Variants in RPS6KA5 observed in about 807,000 individuals in gnomAD.
RPS6KA5 encodes the protein ribosomal protein S6 kinase alpha-5.
In RPS6KA5, 27 loss-of-function variants were observed where a neutral mutation model predicts 85.5. That is an observed-to-expected ratio of 0.32 (90% CI 0.23 to 0.44). RPS6KA5 has a LOEUF of 0.44. RPS6KA5 is among the 20% of genes least tolerant of loss of function. The pLI is 1.00. For synonymous variants in RPS6KA5, 334 were observed against 348.2 expected, an observed-to-expected ratio of 0.96 and a Z score of 0.46; for missense variants, 811 against 980.9, an observed-to-expected ratio of 0.83 and a Z score of 2.31.
rs564221772 is a variant in RPS6KA5, at chr14:90,964,926, A to C, written c.394+13380T>G. Among the ~76,000 whole-genome samples, 615 of 149,748 alleles carry C rather than the reference A, an allele frequency of 4.1e-3. 2 individuals carry two copies. The highest frequency in any genetic ancestry group is 7.8e-3 in the Admixed American group (116 of 14,956). ...TGAGACCCTGTCTCAAAAAAAAAAA[A>C]AAAAAAAAACCAAAAAACCAAAACA... On this transcript the variant is annotated intron_variant, in intron 3 of 16. Coordinates refer to ENST00000614987, the MANE Select transcript of RPS6KA5 (RefSeq NM_004755.4).
chr14:91,000,672 G>A (rs373075628), intron 2 of RPS6KA5, among the ~76,000 whole-genome samples: 58 of 152,154 alleles, frequency 3.8e-4, no homozygotes, highest in African/African-American at 1.4e-3. Flanking sequence ...CGTGGTAGAA[G>A]GCGCCTGTAA....
At chr14:90,934,778 C>T (rs951102032) in intron 5 of RPS6KA5, among the ~76,000 whole-genome samples, 2 of 152,142 alleles carry the variant, frequency 1.3e-5, no homozygotes, top group Admixed American at 6.5e-5. Context: ...ACCCCCCAAC[C>T]TTTGGAGGGG....
chr14:90,903,356 A>G (rs1168413023), intron 8 of RPS6KA5, among the ~76,000 whole-genome samples: 1 of 152,234 alleles, frequency 6.6e-6, no homozygotes, highest in Admixed American at 6.5e-5. Flanking sequence ...CAAAGGCTCT[A>G]CAGATGTGGA....
At chr14:90,880,831 C>CTTTT (rs560458875) in intron 14 of RPS6KA5, among the ~76,000 whole-genome samples, 5 of 132,458 alleles carry the variant, frequency 3.8e-5, no homozygotes, top group Admixed American at 7.6e-5. Flanking sequence ...CTTTTGTAAA[C>CTTTT]TTTTTTTTTT....
At chr14:90,987,791 C>T (rs1178593103) in intron 2 of RPS6KA5, among the ~76,000 whole-genome samples, 1 of 152,160 alleles carries the variant, frequency 6.6e-6, no homozygotes, top group Non-Finnish European at 1.5e-5. Flanking sequence ...AAGGTAGACA[C>T]AAATGGTTAC....
At chr14:91,031,548 C>G (rs1442649218) in intron 1 of RPS6KA5, among the ~76,000 whole-genome samples, 1 of 151,964 alleles carries the variant, frequency 6.6e-6, no homozygotes, top group Non-Finnish European at 1.5e-5. Context: ...AAAGGACTGT[C>G]TTTAAGAAAA....
In RPS6KA5 at chr14:90,983,683, A is replaced by AAGGGG. The variant is rs1210043494; in HGVS notation, c.176-5164_176-5160dup. ...GGAAGAAGGAAAGAAAAGGGAAGGG[A>AAGGGG]AGGGGAGGGGAAAGGGGCATCGGGA... On this transcript the variant is annotated intron_variant, in intron 2 of 16. Transcript: ENST00000614987. Among the ~76,000 whole-genome samples, 3 of 146,350 alleles carry AAGGGG rather than the reference A, an allele frequency of 2.0e-5. No individual in the cohort carries two copies. In the East Asian group the frequency reaches 6.7e-4, roughly 32 times the overall value.
At chr14:90,914,044 G>T (rs1199982309) in intron 7 of RPS6KA5, among the ~76,000 whole-genome samples, 1 of 152,164 alleles carries the variant, frequency 6.6e-6, no homozygotes, top group Non-Finnish European at 1.5e-5. Context: ...ACAGAGTCGT[G>T]AACACAGAAA....
In RPS6KA5 at chr14:90,858,873, G is replaced by C. The variant is rs1258466409; in HGVS notation, c.*13201C>G. Reference sequence around the variant, plus strand: ...AAGTTGGAGCTTGGGAAAGTAGCTAGGACTTAAGGGGCAAAATCCCAGAGC... The same window carrying C: ...AAGTTGGAGCTTGGGAAAGTAGCTACGACTTAAGGGGCAAAATCCCAGAGC... On this transcript the variant is annotated 3_prime_UTR_variant, in exon 17 of 17. Coordinates refer to ENST00000614987, the MANE Select transcript of RPS6KA5 (RefSeq NM_004755.4). 6.6e-6 allele frequency: 1 copy of C among 152,186 alleles called. No homozygotes were observed. The highest frequency in any genetic ancestry group is 1.5e-5 in the Non-Finnish European group (1 of 68,050). 9.4% of individuals were successfully genotyped at this position (152,186 alleles called of 1,614,324 possible).
Position 90,868,589 on chromosome 14 carries a change from G to C in RPS6KA5, c.*3485C>G, listed in dbSNP as rs1595083623. On this transcript the variant is annotated 3_prime_UTR_variant, in exon 17 of 17. Transcript: ENST00000614987. The stretch of plus-strand genomic sequence containing the variant: ...ATCATGCTATTATTATCAGTCACTG[G>C]GAGAACAGCCAAAGTAATCAGGCAG... 1.3e-5 allele frequency: 2 copies of C among 152,030 alleles called. No homozygotes were observed. Among genetic ancestry groups the C allele is most frequent in the East Asian group, 3.8e-4 (2 of 5,196 alleles). 9.4% of individuals were successfully genotyped at this position (152,030 alleles called of 1,614,324 possible).
chr14:91,021,992 C>A (rs1211326089), intron 1 of RPS6KA5, among the ~76,000 whole-genome samples: 1 of 152,104 alleles, frequency 6.6e-6, no homozygotes, highest in Non-Finnish European at 1.5e-5. Flanking sequence ...ATGAACAGAG[C>A]TAGGACATAC....
intron 14 of RPS6KA5, among the ~76,000 whole-genome samples, chr14:90,877,457 T>C (rs534595409): frequency 6.6e-6 from 1 of 152,320 alleles, no homozygotes; most frequent in Admixed American, 6.5e-5. Context: ...TGCCTCCACC[T>C]GCCCCCAACC....
At chr14:90,932,976 C>T (rs2037065036) in intron 5 of RPS6KA5, among the ~76,000 whole-genome samples, 1 of 152,138 alleles carries the variant, frequency 6.6e-6, no homozygotes, top group Non-Finnish European at 1.5e-5. Flanking sequence ...CTCTGCTATG[C>T]TCTTCACAGA....
chr14:90,949,884 T>C (rs1284643694), intron 3 of RPS6KA5, among the ~76,000 whole-genome samples: 1 of 152,382 alleles, frequency 6.6e-6, no homozygotes, highest in East Asian at 1.9e-4. Flanking sequence ...AGTGACCTAC[T>C]TCCTACTTTT....
intron 5 of RPS6KA5, among the ~76,000 whole-genome samples, chr14:90,923,954 T>TCACAACCACCC (rs1353592811): frequency 1.3e-5 from 2 of 152,132 alleles, no homozygotes; most frequent in Non-Finnish European, 2.9e-5. Flanking sequence ...TAGAGGAAGC[T>TCACAACCACCC]CACAACCACC....
chr14:90,903,059 T>A, intron 8 of RPS6KA5, 90 bp from the exon 9 acceptor site: 1 of 1,088,278 alleles, frequency 9.2e-7, no homozygotes. Context: ...TTTTGACTGG[T>A]AGGGAGAGAG....
chr14:90,928,011 C>CTGCAGT (rs889319044), intron 5 of RPS6KA5, among the ~76,000 whole-genome samples: 3 of 148,240 alleles, frequency 2.0e-5, no homozygotes, highest in Admixed American at 1.4e-4. Context: ...TCACAGCTCA[C>CTGCAGT]TGCAGTTTTG....
chr14:91,007,942 C>A (rs958166157), intron 1 of RPS6KA5, among the ~76,000 whole-genome samples: 3 of 152,134 alleles, frequency 2.0e-5, no homozygotes, highest in African/African-American at 7.2e-5. Flanking sequence ...CTATTGTTAA[C>A]CCTTGGCATG....
At chr14:90,909,894 G>T (rs2035707298) in intron 7 of RPS6KA5, among the ~76,000 whole-genome samples, 1 of 152,108 alleles carries the variant, frequency 6.6e-6, no homozygotes. Context: ...TCTTGCCTCA[G>T]CTTCCCGGGT....
Sources: gnomAD v4.1 joint callset for allele counts (sites outside exome capture counted in the v4.1 genomes callset) on GRCh38, gnomAD v4.1.1 for gene constraint, MANE v1.5 for transcripts, NCBI Gene and HGNC (gene_info 2026-07-23, HGNC 2026-07-21) for gene names.